CDC23: variants seen among roughly 807,000 people sequenced by gnomAD.
The protein encoded by CDC23 is cell division cycle 23, also known as cell division cycle protein 23 homolog.
CDC23 carries 26 observed loss-of-function variants against 81.7 expected under a neutral mutation model. The observed-to-expected ratio is 0.32, with a 90% CI of 0.23 to 0.44. The LOEUF is 0.44. Ranked by LOEUF, CDC23 falls within the 20% of genes least tolerant of loss-of-function variation. The pLI is 1.00. For synonymous variants in CDC23, 267 were observed against 270.8 expected (o/e 0.99, Z 0.14); for missense variants, 519 against 728.0 (o/e 0.71, Z 3.30).
chr5:138,193,638 A>G (rs1313613549), intron 9 of CDC23, among the ~76,000 whole-genome samples: 1 of 151,752 alleles, frequency 6.6e-6, no homozygotes, highest in African/African-American at 2.4e-5. Context: ...TCTCAAAAAA[A>G]AAAAACAGGT....
At chr5:138,198,073 C>A in intron 9 of CDC23, 126 bp downstream of exon 9, 1 of 688,948 alleles carries the variant, frequency 1.5e-6, no homozygotes, top group South Asian at 1.9e-5. Flanking sequence ...GATCCTCCCG[C>A]CTCAGTCTCC....
chr5:138,213,244 G>C lies in CDC23; in HGVS notation c.69C>G (p.Asn23Lys), dbSNP rs1305892944. The change falls in exon 1 of 16, where the codon AAC (asparagine) becomes AAG (lysine). Residue 23 changes from asparagine to lysine, a missense_variant. Physicochemically the swap from Asn to Lys is moderately conservative, Grantham distance 94. Coordinates refer to ENST00000394886, the MANE Select transcript of CDC23 (RefSeq NM_004661.4). Reference sequence around the variant, plus strand: ...TTTCCCGCAAATCTGAGAAATCGCTGTTTATGGACAGGACAGGCGCCACTG... The same window carrying C: ...TTTCCCGCAAATCTGAGAAATCGCTCTTTATGGACAGGACAGGCGCCACTG... ...TAAVAPVLSI[N>K]SDFSDLREIK... 2 of 1,614,116 alleles carry C rather than the reference G, an allele frequency of 1.2e-6. No individual in the cohort carries two copies. The highest frequency in any genetic ancestry group is 8.5e-7 in the Non-Finnish European group (1 of 1,180,042).
In CDC23 at chr5:138,188,835, T is replaced by C; in HGVS notation, c.*143A>G. ...TCTGTCAGTTGGCCTCTGAAGGTAA[T>C]TATACAAGCTGTCCCTATGGAGCTG... On this transcript the variant is annotated 3_prime_UTR_variant, in exon 16 of 16. Coordinates refer to ENST00000394886, the MANE Select transcript of CDC23 (RefSeq NM_004661.4). 1.5e-6 allele frequency: 1 copy of C among 657,684 alleles called. No homozygotes were observed. The highest frequency in any genetic ancestry group is 3.5e-5 in the Admixed American group (1 of 28,504). 40.7% of individuals were successfully genotyped at this position (657,684 alleles called of 1,614,324 possible). A position where few individuals can be genotyped will look rare whatever the true frequency, so the allele number is the denominator to read the frequency against.
chr5:138,192,136 C>T (rs1296299680), intron 11 of CDC23, 133 bp downstream of exon 11: 2 of 1,145,682 alleles, frequency 1.7e-6, no homozygotes, highest in Admixed American at 2.4e-5. Flanking sequence ...AACCAAACAG[C>T]CTTCAGCAAC....
intron 8 of CDC23, 33 bp from the exon 9 acceptor site, chr5:138,198,313 A>T: frequency 6.3e-7 from 1 of 1,594,658 alleles, no homozygotes; most frequent in South Asian, 1.1e-5. Context: ...TATAAGCATG[A>T]AAAAAGAACT....
intron 9 of CDC23, among the ~76,000 whole-genome samples, chr5:138,196,483 G>A (rs1268562724): frequency 1.3e-5 from 2 of 151,372 alleles, no homozygotes; most frequent in African/African-American, 4.9e-5. Context: ...TAGAAACAGG[G>A]TTTCCATGTT....
intron 9 of CDC23, among the ~76,000 whole-genome samples, chr5:138,195,381 T>G (rs1458905587): frequency 6.7e-6 from 1 of 149,606 alleles, no homozygotes; most frequent in African/African-American, 2.5e-5. Flanking sequence ...GCACAGAAGG[T>G]TAGGTAACTT....
At chr5:138,189,999 A>G in intron 13 of CDC23, 93 bp from the exon 14 acceptor site, 1 of 963,046 alleles carries the variant, frequency 1.0e-6, no homozygotes, top group Non-Finnish European at 1.7e-6. Context: ...AAAAAACAAT[A>G]CATAGGTAAG....
intron 9 of CDC23, among the ~76,000 whole-genome samples, chr5:138,194,969 G>A (rs985059007): frequency 6.6e-6 from 1 of 151,712 alleles, no homozygotes; most frequent in Non-Finnish European, 1.5e-5. Context: ...TGATCCACCC[G>A]CCCAGGCTGG....
intron 9 of CDC23, among the ~76,000 whole-genome samples, chr5:138,197,729 T>C (rs1448384362): frequency 6.6e-6 from 1 of 151,674 alleles, no homozygotes; most frequent in African/African-American, 2.4e-5. Flanking sequence ...ATACCTCACC[T>C]CATGATCTGC....
intron 9 of CDC23, among the ~76,000 whole-genome samples, chr5:138,197,297 C>T (rs1754924498): frequency 9.0e-6 from 1 of 111,314 alleles, no homozygotes; most frequent in Non-Finnish European, 1.8e-5. Flanking sequence ...GAGCGAGACT[C>T]TGTCACCAAA....
At chr5:138,210,876 G>T (rs1289690332) in intron 2 of CDC23, among the ~76,000 whole-genome samples, 1 of 152,126 alleles carries the variant, frequency 6.6e-6, no homozygotes, top group Non-Finnish European at 1.5e-5. Context: ...TCATTCAATA[G>T]TTATTTATCC....
At chr5:138,192,003 C>A (rs1411881258) in intron 11 of CDC23, 66 bp from the exon 12 acceptor site, 1 of 1,312,294 alleles carries the variant, frequency 7.6e-7, no homozygotes, top group African/African-American at 1.5e-5. Context: ...TTTTGAGGAA[C>A]CAGTACACCA....
rs1754943430 is a variant in CDC23 at position 138,198,420 on chromosome 5, G to T, written c.930+6C>A. 3.1e-6 allele frequency: 5 copies of T among 1,612,810 alleles called. No individual in the cohort carries two copies. Among genetic ancestry groups the T allele is most frequent in the Non-Finnish European group, 4.2e-6 (5 of 1,178,964 alleles). ...TAATCAAATCCAAGCAAGGGAAGCA[G>T]CTCACCCTGACATAAAGAAGGTTGG... On this transcript the variant is annotated splice_donor_region_variant and intron_variant, in intron 8 of 15. Transcript: ENST00000394886.
chr5:138,212,957 T>A (rs1190472988), intron 2 of CDC23, 34 bp downstream of exon 2: 1 of 1,582,478 alleles, frequency 6.3e-7, no homozygotes, highest in African/African-American at 1.3e-5. Context: ...ACCCCTGGGT[T>A]GATGGGGAGC....
In CDC23 at chr5:138,190,059, G is replaced by A. The variant is rs17228540; in HGVS notation, c.1425-153C>T. The A allele has an allele frequency of 2.4e-4, 150 of 637,022 alleles. 1 individual carries two copies. The highest frequency in any genetic ancestry group is 2.2e-3 in the East Asian group (81 of 36,792). 39.5% of individuals were successfully genotyped at this position (637,022 alleles called of 1,614,324 possible). A position where few individuals can be genotyped will look rare whatever the true frequency, so the allele number is the denominator to read the frequency against. On this transcript the variant is annotated intron_variant, in intron 13 of 15. Transcript: ENST00000394886. ...TCTTGGAACTAGAATAGTATTAGAT[G>A]TGATAGTTACTGTTATCAAAGCTTA...
At chr5:138,195,036 C>T (rs1297792571) in intron 9 of CDC23, among the ~76,000 whole-genome samples, 1 of 151,734 alleles carries the variant, frequency 6.6e-6, no homozygotes, top group Non-Finnish European at 1.5e-5. Context: ...AGTGCTGAGC[C>T]CCTGCACTGG....
intron 9 of CDC23, among the ~76,000 whole-genome samples, chr5:138,196,981 T>A (rs1754920039): frequency 6.9e-6 from 1 of 144,964 alleles, no homozygotes; most frequent in Non-Finnish European, 1.5e-5. Context: ...AACCCTGGGC[T>A]GAGGCCATCT....
intron 2 of CDC23, among the ~76,000 whole-genome samples, chr5:138,211,513 G>T (rs1755112805): frequency 6.6e-6 from 1 of 152,018 alleles, no homozygotes; most frequent in Non-Finnish European, 1.5e-5. Flanking sequence ...AATACAAAAA[G>T]TTACCCAGGC....
Sources: gnomAD v4.1 joint callset for allele counts (sites outside exome capture counted in the v4.1 genomes callset) on GRCh38, gnomAD v4.1.1 for gene constraint, MANE v1.5 for transcripts, NCBI Gene and HGNC (gene_info 2026-07-23, HGNC 2026-07-21) for gene names.